The following ANKRD6 variants were observed in gnomAD, a reference collection of about 807,000 sequenced individuals.
ANKRD6 encodes the protein ankyrin repeat domain-containing protein 6.
In ANKRD6, 56 loss-of-function variants were observed where a neutral mutation model predicts 82.3. The ratio of observed to expected loss-of-function variants is 0.68; its 90% CI spans 0.55 to 0.85. The LOEUF (loss-of-function observed/expected upper bound fraction) is 0.85, where lower values mean the gene tolerates loss of function less well. ANKRD6 is among the 40% of genes least tolerant of loss of function. The pLI is 0.00. For missense variants in ANKRD6, 852 were observed against 907.6 expected, an observed-to-expected ratio of 0.94 and a Z score of 0.79; for synonymous variants, 347 against 352.1, an observed-to-expected ratio of 0.99 and a Z score of 0.16.
In ANKRD6 at chr6:89,569,073, C is replaced by G. The variant is rs965987285; in HGVS notation, c.120+1977C>G. Among the ~76,000 whole-genome samples the G allele has an allele frequency of 3.3e-5, 5 of 151,872 alleles. 1 individual carries two copies. Among genetic ancestry groups the G allele is most frequent in the Admixed American group, 1.3e-4 (2 of 15,248 alleles). ...GGACTACAGGCACATACCAACATGC[C>G]TGCCTAATTTTTGTATTTTGAGTAG... is the stretch of plus-strand genomic sequence containing the variant. On this transcript the variant is annotated intron_variant, in intron 2 of 15. Transcript: ENST00000339746.
intron 1 of ANKRD6, among the ~76,000 whole-genome samples, chr6:89,492,833 C>T (rs1778167876): frequency 6.6e-6 from 1 of 152,044 alleles, no homozygotes; most frequent in African/African-American, 2.4e-5. Flanking sequence ...AGAATGAGTA[C>T]ATTTTGGGAC....
At chr6:89,439,533 G>A (rs1375310692) in intron 1 of ANKRD6, among the ~76,000 whole-genome samples, 2 of 152,166 alleles carry the variant, frequency 1.3e-5, no homozygotes, top group African/African-American at 2.4e-5. Flanking sequence ...ACAAGATCAT[G>A]TGAAAGATCC....
chr6:89,528,711 C>T (rs1782800921), intron 1 of ANKRD6, among the ~76,000 whole-genome samples: 1 of 152,172 alleles, frequency 6.6e-6, no homozygotes, highest in Non-Finnish European at 1.5e-5. Flanking sequence ...TAGCTTTGGC[C>T]TTACAAAATG....
chr6:89,517,028 C>T (rs577499872), intron 1 of ANKRD6, among the ~76,000 whole-genome samples: 8 of 152,258 alleles, frequency 5.3e-5, no homozygotes, highest in South Asian at 2.1e-4. Context: ...ACCACCAAAA[C>T]GAGATGATTT....
At chr6:89,541,604 G>A (rs1467761065) in intron 1 of ANKRD6, among the ~76,000 whole-genome samples, 5 of 151,644 alleles carry the variant, frequency 3.3e-5, no homozygotes, top group South Asian at 2.1e-4. Flanking sequence ...GTGTTGGCCA[G>A]GCTGGTCCTG....
intron 7 of ANKRD6, among the ~76,000 whole-genome samples, chr6:89,614,845 A>AC (rs936410892): frequency 6.1e-5 from 9 of 147,332 alleles, no homozygotes; most frequent in South Asian, 2.3e-4. Context: ...AAGGAAAAAA[A>AC]AAAAAACAAA....
At position 89,595,336 on chromosome 6, in the gene ANKRD6, A is replaced by C. The variant is rs1051509797; in HGVS notation, c.121-580A>C. Among the ~76,000 whole-genome samples, 18 of 152,058 alleles carry C rather than the reference A, an allele frequency of 1.2e-4. No homozygotes were observed. The East Asian group carries it at 3.3e-3, about 28-fold the overall frequency. ...GTGCCCATCAAGAGGATGATGAGTA[A>C]ATAATAAGTGAACCAGGATGCAGAG... is the stretch of plus-strand genomic sequence containing the variant. On this transcript the variant is annotated intron_variant, in intron 2 of 15. Transcript: ENST00000339746.
intron 1 of ANKRD6, among the ~76,000 whole-genome samples, chr6:89,563,648 G>T (rs1294505880): frequency 6.6e-6 from 1 of 152,150 alleles, no homozygotes; most frequent in East Asian, 1.9e-4. Flanking sequence ...TTCAAGACTG[G>T]TTTCACCCCT....
At chr6:89,504,392 C>T (rs1054264180) in intron 1 of ANKRD6, among the ~76,000 whole-genome samples, 7 of 150,722 alleles carry the variant, frequency 4.6e-5, no homozygotes, top group African/African-American at 1.7e-4. Context: ...GACAGTCTCT[C>T]TCTCGCTCTC....
chr6:89,566,018 T>C (rs1788448225), intron 1 of ANKRD6, among the ~76,000 whole-genome samples: 1 of 152,234 alleles, frequency 6.6e-6, no homozygotes, highest in African/African-American at 2.4e-5. Context: ...TTTTGCTATG[T>C]GGTAGGAAGA....
intron 9 of ANKRD6, among the ~76,000 whole-genome samples, chr6:89,620,874 G>T (rs1802976954): frequency 6.6e-6 from 1 of 152,108 alleles, no homozygotes; most frequent in Non-Finnish European, 1.5e-5. Context: ...AACCATCCTG[G>T]CTAGCACGGT....
chr6:89,553,921 C>T (rs1786206312), intron 1 of ANKRD6, among the ~76,000 whole-genome samples: 3 of 152,254 alleles, frequency 2.0e-5, no homozygotes, highest in Middle Eastern at 6.8e-3. Context: ...ACCTGACCAT[C>T]CTTCAAACAG....
At chr6:89,512,188 A>G (rs1402112167) in intron 1 of ANKRD6, among the ~76,000 whole-genome samples, 1 of 152,194 alleles carries the variant, frequency 6.6e-6, no homozygotes, top group Non-Finnish European at 1.5e-5. Context: ...GGCCATGTAG[A>G]TAGACTTCCA....
chr6:89,551,731 A>C (rs886473372), intron 1 of ANKRD6, among the ~76,000 whole-genome samples: 3 of 152,338 alleles, frequency 2.0e-5, no homozygotes, highest in Admixed American at 1.3e-4. Context: ...GTAATTTCTC[A>C]GGTTATTTTG....
chr6:89,547,587 T>C (rs546685812), intron 1 of ANKRD6, among the ~76,000 whole-genome samples: 5 of 152,278 alleles, frequency 3.3e-5, no homozygotes, highest in Admixed American at 6.5e-5. Context: ...GGGAAACAAC[T>C]CTTGCCATCC....
At chr6:89,611,254 T>G (rs1277640413) in intron 5 of ANKRD6, among the ~76,000 whole-genome samples, 1 of 151,744 alleles carries the variant, frequency 6.6e-6, no homozygotes, top group Non-Finnish European at 1.5e-5. Flanking sequence ...GACTGTGAGA[T>G]CCAGAAGGGT....
intron 1 of ANKRD6, among the ~76,000 whole-genome samples, chr6:89,474,645 C>T (rs1463760584): frequency 1.3e-5 from 2 of 152,132 alleles, no homozygotes; most frequent in African/African-American, 4.8e-5. Context: ...TTTCGATCTC[C>T]TGACCTTGTG....
chr6:89,487,843 C>G (rs1777543031), intron 1 of ANKRD6, among the ~76,000 whole-genome samples: 1 of 152,172 alleles, frequency 6.6e-6, no homozygotes, highest in African/African-American at 2.4e-5. Flanking sequence ...AAAAAATGAT[C>G]TTTGGTAACA....
chr6:89,622,335 A>T (rs2128250406), intron 10 of ANKRD6, among the ~76,000 whole-genome samples: 1 of 152,304 alleles, frequency 6.6e-6, no homozygotes, highest in Admixed American at 6.5e-5. Flanking sequence ...CCTCTCTAAC[A>T]CCATGCCCAG....
Sources: gnomAD v4.1 joint callset for allele counts (sites outside exome capture counted in the v4.1 genomes callset) on GRCh38, gnomAD v4.1.1 for gene constraint, MANE v1.5 for transcripts, NCBI Gene and HGNC (gene_info 2026-07-23, HGNC 2026-07-21) for gene names.